ALDH5A1: variants seen among roughly 807,000 people sequenced by gnomAD.
ALDH5A1 encodes aldehyde dehydrogenase 5 family member A1, also known as succinate-semialdehyde dehydrogenase, mitochondrial.
ALDH5A1 carries 33 observed loss-of-function variants against 54.7 expected under a neutral mutation model. The ratio of observed to expected loss-of-function variants is 0.60; its 90% CI spans 0.46 to 0.81. The LOEUF (loss-of-function observed/expected upper bound fraction) is 0.81, where lower values mean the gene tolerates loss of function less well. Among genes scored for constraint, ALDH5A1 ranks in the 30% least tolerant of loss-of-function variants. The pLI, the probability that ALDH5A1 is intolerant of heterozygous loss-of-function variation, is 0.00. For missense variants in ALDH5A1, 657 were observed against 711.0 expected, an observed-to-expected ratio of 0.92 and a Z score of 0.86; for synonymous variants, 294 against 292.7, an observed-to-expected ratio of 1.00 and a Z score of -0.05.
At chr6:24,501,986 G>A (rs143160353) in intron 1 of ALDH5A1, among the ~76,000 whole-genome samples, 1 of 151,422 alleles carries the variant, frequency 6.6e-6, no homozygotes, top group African/African-American at 2.4e-5. Context: ...TAGATATGTA[G>A]GAATATAGGA....
chr6:24,506,088 AGG>A, intron 4 of ALDH5A1, among the ~76,000 whole-genome samples: 1 of 151,500 alleles, frequency 6.6e-6, no homozygotes, highest in Non-Finnish European at 1.5e-5. Context: ...TTCAGTGGGC[AGG>A]GCTAGGAGAT....
rs140294263 is a variant in ALDH5A1 at position 24,531,371 on chromosome 6, A to G, written c.1344-748A>G. Reference sequence around the variant, plus strand: ...GAGAATGCAGGCTTTGCAGTTGACTATGATGTAGCTCTAGACTTTGCTACT... The same window carrying G: ...GAGAATGCAGGCTTTGCAGTTGACTGTGATGTAGCTCTAGACTTTGCTACT... On this transcript the variant is annotated intron_variant, in intron 8 of 9. Transcript: ENST00000357578. Among the ~76,000 whole-genome samples, 181 of 152,332 alleles carry G rather than the reference A, an allele frequency of 1.2e-3. 1 individual carries two copies. The highest frequency in any genetic ancestry group is 4.0e-3 in the African/African-American group (168 of 41,570).
At chr6:24,521,142 C>G (rs958855391) in intron 6 of ALDH5A1, among the ~76,000 whole-genome samples, 3 of 152,222 alleles carry the variant, frequency 2.0e-5, no homozygotes, top group Non-Finnish European at 2.9e-5. Context: ...CAGAGGTGCC[C>G]TCTACAGGGC....
At chr6:24,519,042 A>G (rs2127386935) in intron 5 of ALDH5A1, among the ~76,000 whole-genome samples, 1 of 152,344 alleles carries the variant, frequency 6.6e-6, no homozygotes, top group African/African-American at 2.4e-5. Context: ...ACATTGAGCT[A>G]GCAATTCTAC....
intron 8 of ALDH5A1, among the ~76,000 whole-genome samples, chr6:24,529,834 G>C (rs556926104): frequency 6.6e-6 from 1 of 151,732 alleles, no homozygotes; most frequent in Admixed American, 6.6e-5. Context: ...ACCAGGCCCT[G>C]CTAATTTTTG....
chr6:24,503,385 G>GGCCCTTT lies in ALDH5A1; in HGVS notation c.566_567insTTGCCCT (p.Val190CysfsTer55), dbSNP rs755029414. 1.2e-6 allele frequency: 2 copies of GGCCCTTT among 1,613,842 alleles called. No homozygotes were observed. The highest frequency in any genetic ancestry group is 1.7e-6 in the Non-Finnish European group (2 of 1,180,006). Reference sequence around the variant, plus strand: ...TCCACACCCCGGCAAAGGACAGGCGGGCCCTGGTCCTCAAGCAGCCCATAG... The same window carrying GGCCCTTT: ...TCCACACCCCGGCAAAGGACAGGCGGGCCCTTTGCCCTGGTCCTCAAGCAGCCCATAG... On this transcript the variant is annotated frameshift_variant, in exon 3 of 10. Transcript: ENST00000357578. LOFTEE classifies it high-confidence loss of function.
chr6:24,495,122 C>T lies in ALDH5A1; in HGVS notation c.126C>T (p.Ala42=), dbSNP rs944589315. ...VPASGPAPGP[A]QLRCYAGRLA... The stretch of plus-strand genomic sequence containing the variant: ...CCTCCGGGCCTGCGCCCGGCCCGGC[C>T]CAGCTCCGCTGCTACGCTGGGCGCC... The change falls in exon 1 of 10, where the codon GCC becomes GCT. Residue 42 remains alanine (A), a synonymous_variant. Transcript: ENST00000357578. The T allele has an allele frequency of 7.3e-7, 1 of 1,377,416 alleles. No individual in the cohort carries two copies. The highest frequency in any genetic ancestry group is 9.3e-7 in the Non-Finnish European group (1 of 1,073,946). 85.3% of individuals were successfully genotyped at this position (1,377,416 alleles called of 1,614,324 possible). A position where few individuals can be genotyped will look rare whatever the true frequency, so the allele number is the denominator to read the frequency against.
rs1203585650 is a variant in ALDH5A1 at position 24,534,254 on chromosome 6, A to G, written c.*542A>G. On this transcript the variant is annotated 3_prime_UTR_variant, in exon 10 of 10. Coordinates refer to ENST00000357578, the MANE Select transcript of ALDH5A1 (RefSeq NM_001080.3). ...TTGAGTGAACCCTCTTTCAAAGACA[A>G]TAAATAGCACAGAATTGTCCGTGCT... The G allele has an allele frequency of 6.2e-6, 1 of 162,100 alleles. No individual in the cohort carries two copies. Among genetic ancestry groups the G allele is most frequent in the African/African-American group, 2.4e-5 (1 of 41,586 alleles). The allele number at this position is 162,100 out of a possible 1,614,324, so 10.0% of individuals were successfully genotyped here.
rs1759467356 is a variant in ALDH5A1, at chr6:24,511,856, G to C, written c.727-3311G>C. On this transcript the variant is annotated intron_variant, in intron 4 of 9. Coordinates refer to ENST00000357578, the MANE Select transcript of ALDH5A1 (RefSeq NM_001080.3). The stretch of plus-strand genomic sequence containing the variant: ...TAAATCAGGGATTTCTTCTTGATTT[G>C]GATCCATTGTTGGTGAGCTCATGTG... 5.2e-6 allele frequency: 3 copies of C among 577,832 alleles called. No homozygotes were observed. In the South Asian group the frequency reaches 7.4e-5, roughly 14 times the overall value. 35.8% of individuals were successfully genotyped at this position (577,832 alleles called of 1,614,324 possible). A position where few individuals can be genotyped will look rare whatever the true frequency, so the allele number is the denominator to read the frequency against.
At chr6:24,508,742 T>C (rs1031783986) in intron 4 of ALDH5A1, among the ~76,000 whole-genome samples, 1 of 152,210 alleles carries the variant, frequency 6.6e-6, no homozygotes, top group Non-Finnish European at 1.5e-5. Context: ...ACCAGCAATG[T>C]AGAAATGTTC....
intron 3 of ALDH5A1, among the ~76,000 whole-genome samples, 183 bp downstream of exon 3, chr6:24,503,616 G>A (rs1759255319): frequency 1.3e-5 from 2 of 152,296 alleles, no homozygotes; most frequent in South Asian, 4.1e-4. Context: ...TGTTAGGTGT[G>A]GTGGCAGTGA....
intron 1 of ALDH5A1, among the ~76,000 whole-genome samples, chr6:24,495,689 G>A (rs1014244599): frequency 6.6e-6 from 1 of 152,176 alleles, no homozygotes; most frequent in Non-Finnish European, 1.5e-5. Context: ...AAAGGGGAGG[G>A]GTGTCAGGGA....
At chr6:24,503,127 A>C (rs1000949318) in intron 2 of ALDH5A1, 136 bp from the exon 3 acceptor site, 1 of 1,066,046 alleles carries the variant, frequency 9.4e-7, no homozygotes, top group African/African-American at 1.6e-5. Flanking sequence ...CACCAAAGTC[A>C]GAAATTTTCC....
At chr6:24,528,271 A>G in intron 8 of ALDH5A1, 105 bp downstream of exon 8, 1 of 1,377,884 alleles carries the variant, frequency 7.3e-7, no homozygotes, top group South Asian at 1.2e-5. Flanking sequence ...CAGGAGGCAG[A>G]CAGTTGTGTT....
rs1760067086 is a variant in ALDH5A1, at chr6:24,537,130, TTG to T, written c.*3424_*3425del. The T allele has an allele frequency of 6.6e-6, 1 of 152,606 alleles. No homozygotes were observed. The highest frequency in any genetic ancestry group is 2.4e-5 in the African/African-American group (1 of 41,428). The allele number at this position is 152,606 out of a possible 1,614,324, so 9.5% of individuals were successfully genotyped here. A position where few individuals can be genotyped will look rare whatever the true frequency, so the allele number is the denominator to read the frequency against. Reference sequence around the variant, plus strand: ...AACTCATTTTTCTAGTTTTTGACAATTGTGTGTTTTAGTGTCTAGTCTGCAGA... The same window carrying T: ...AACTCATTTTTCTAGTTTTTGACAATTGTGTTTTAGTGTCTAGTCTGCAGA... On this transcript the variant is annotated 3_prime_UTR_variant, in exon 10 of 10. Coordinates refer to ENST00000357578, the MANE Select transcript of ALDH5A1 (RefSeq NM_001080.3).
At chr6:24,531,945 C>T (rs1399386304) in intron 8 of ALDH5A1, 174 bp from the exon 9 acceptor site, 7 of 680,474 alleles carry the variant, frequency 1.0e-5, no homozygotes, top group East Asian at 2.8e-5. Context: ...TAGCCTTAAT[C>T]GCTGAGTTAT....
At chr6:24,520,269 T>C in intron 5 of ALDH5A1, 132 bp from the exon 6 acceptor site, 1 of 993,844 alleles carries the variant, frequency 1.0e-6, no homozygotes. Context: ...CTCCGTTTTC[T>C]TATGCAAAGT....
chr6:24,499,431 T>A (rs1004760314), intron 1 of ALDH5A1, among the ~76,000 whole-genome samples: 1 of 152,042 alleles, frequency 6.6e-6, no homozygotes, highest in African/African-American at 2.4e-5. Flanking sequence ...TCATTTTCTT[T>A]TTTTAAGTGG....
At position 24,534,031 on chromosome 6, in the gene ALDH5A1, G is replaced by A. The variant is rs949610988; in HGVS notation, c.*319G>A. ...CAAGGCAGGCCCAGCCCCATGGGCCGTCACAAAGGCTTGATCACTGCCTGG... is the reference window on the plus strand; with the variant it reads ...CAAGGCAGGCCCAGCCCCATGGGCCATCACAAAGGCTTGATCACTGCCTGG... On this transcript the variant is annotated 3_prime_UTR_variant, in exon 10 of 10. Coordinates refer to ENST00000357578, the MANE Select transcript of ALDH5A1 (RefSeq NM_001080.3). 9.4e-5 allele frequency: 32 copies of A among 342,052 alleles called. No individual in the cohort carries two copies. The highest frequency in any genetic ancestry group is 6.5e-4 in the South Asian group (24 of 37,208). The allele number at this position is 342,052 out of a possible 1,614,324, so 21.2% of individuals were successfully genotyped here. A position where few individuals can be genotyped will look rare whatever the true frequency, so the allele number is the denominator to read the frequency against.
Sources: gnomAD v4.1 joint callset for allele counts (sites outside exome capture counted in the v4.1 genomes callset) on GRCh38, gnomAD v4.1.1 for gene constraint, MANE v1.5 for transcripts, NCBI Gene and HGNC (gene_info 2026-07-23, HGNC 2026-07-21) for gene names.